SPAG16: variants seen among roughly 807,000 people sequenced by gnomAD.
SPAG16 encodes sperm-associated antigen 16 protein.
A neutral mutation model predicts 80.4 loss-of-function variants in SPAG16; 86 were observed. The ratio of observed to expected loss-of-function variants is 1.07; its 90% CI spans 0.90 to 1.28. The LOEUF (loss-of-function observed/expected upper bound fraction) is 1.28, where lower values mean the gene tolerates loss of function less well. Ranked by LOEUF, SPAG16 falls within the 50% of genes most tolerant of loss-of-function variation. The probability of loss-of-function intolerance (pLI) is 0.00; values close to 1 mark genes in which losing one functional copy is unlikely to be tolerated. For synonymous variants in SPAG16, 294 were observed against 265.9 expected, an observed-to-expected ratio of 1.11 and a Z score of -1.03; for missense variants, 870 against 765.3, an observed-to-expected ratio of 1.14 and a Z score of -1.61.
chr2:214,323,139 G>C (rs1696220819), intron 15 of SPAG16, among the ~76,000 whole-genome samples: 1 of 152,054 alleles, frequency 6.6e-6, no homozygotes, highest in Non-Finnish European at 1.5e-5. Context: ...TGTTGATATT[G>C]CGTATTTAGT....
At chr2:213,446,176 C>T (rs1255399048) in intron 9 of SPAG16, among the ~76,000 whole-genome samples, 1 of 152,194 alleles carries the variant, frequency 6.6e-6, no homozygotes, top group Non-Finnish European at 1.5e-5. Context: ...ACTCTGGCAA[C>T]TCTTAAAGCC....
chr2:214,048,825 C>T (rs2049481884), intron 13 of SPAG16, among the ~76,000 whole-genome samples: 1 of 152,020 alleles, frequency 6.6e-6, no homozygotes, highest in Non-Finnish European at 1.5e-5. Context: ...AATATATACA[C>T]CTATGTACCT....
At chr2:214,185,549 G>A (rs2057440629) in intron 15 of SPAG16, among the ~76,000 whole-genome samples, 1 of 151,952 alleles carries the variant, frequency 6.6e-6, no homozygotes, top group Non-Finnish European at 1.5e-5. Flanking sequence ...GAAAACTAGA[G>A]AAATTACAAA....
chr2:213,832,253 C>T (rs977408901), intron 10 of SPAG16, among the ~76,000 whole-genome samples: 4 of 152,078 alleles, frequency 2.6e-5, no homozygotes, highest in Non-Finnish European at 5.9e-5. Context: ...CCCCTGTCCT[C>T]CCAAAGTGCT....
intron 10 of SPAG16, among the ~76,000 whole-genome samples, chr2:213,726,381 G>C (rs531965333): frequency 6.6e-6 from 1 of 152,268 alleles, no homozygotes; most frequent in African/African-American, 2.4e-5. Context: ...TCTTGCCTTA[G>C]TTGGAAGTAC....
At chr2:213,697,126 A>C (rs2065189457) in intron 10 of SPAG16, among the ~76,000 whole-genome samples, 1 of 152,150 alleles carries the variant, frequency 6.6e-6, no homozygotes, top group African/African-American at 2.4e-5. Flanking sequence ...GGATGGGTAG[A>C]AGTTTAGGTA....
At position 213,880,917 on chromosome 2, in the gene SPAG16, G is replaced by A. The variant is rs529465360; in HGVS notation, c.1214+18289G>A. 2.0e-5 allele frequency among the ~76,000 whole-genome samples: 3 copies of A among 152,278 alleles called. No individual in the cohort carries two copies. The East Asian group carries it at 5.8e-4, about 29-fold the overall frequency. On this transcript the variant is annotated intron_variant, in intron 11 of 15. Transcript: ENST00000331683. Reference sequence around the variant, plus strand: ...GAAGTCAGATAATGTGATGCCTCAGGCTTTGCTCTTCTTTGTTTGAATGAC... The same window carrying A: ...GAAGTCAGATAATGTGATGCCTCAGACTTTGCTCTTCTTTGTTTGAATGAC...
intron 10 of SPAG16, among the ~76,000 whole-genome samples, chr2:213,694,064 G>GAAAAA (rs1353843848): frequency 5.3e-5 from 8 of 150,296 alleles, no homozygotes; most frequent in Admixed American, 2.0e-4. Context: ...AGAAAAAAGA[G>GAAAAA]AGGGAGAGAA....
intron 15 of SPAG16, among the ~76,000 whole-genome samples, chr2:214,339,883 A>C (rs1576822363): frequency 1.3e-5 from 2 of 152,276 alleles, no homozygotes; most frequent in South Asian, 4.1e-4. Context: ...AGTTAATCTA[A>C]AAGGAGATTA....
chr2:213,619,562 A>T (rs761021702), intron 10 of SPAG16, among the ~76,000 whole-genome samples: 2 of 152,144 alleles, frequency 1.3e-5, no homozygotes, highest in Non-Finnish European at 2.9e-5. Context: ...ATATAAAATG[A>T]TCAACATCAC....
chr2:214,369,276 C>T (rs889561970), intron 15 of SPAG16, among the ~76,000 whole-genome samples: 1 of 152,010 alleles, frequency 6.6e-6, no homozygotes, highest in Non-Finnish European at 1.5e-5. Context: ...AACTTAAAGA[C>T]TGTATATGAA....
chr2:213,684,300 A>G (rs1333671851), intron 10 of SPAG16, among the ~76,000 whole-genome samples: 2 of 152,226 alleles, frequency 1.3e-5, no homozygotes, highest in East Asian at 1.9e-4. Flanking sequence ...GAAGTACTAT[A>G]GGTCTTTTTT....
chr2:214,112,047 A>T (rs1457313154), intron 14 of SPAG16, among the ~76,000 whole-genome samples: 1 of 152,152 alleles, frequency 6.6e-6, no homozygotes, highest in Non-Finnish European at 1.5e-5. Flanking sequence ...GGTTTTCTAA[A>T]TATACAATCA....
At chr2:213,991,702 A>AAAT (rs2046290165) in intron 12 of SPAG16, among the ~76,000 whole-genome samples, 2 of 152,176 alleles carry the variant, frequency 1.3e-5, no homozygotes, top group South Asian at 4.2e-4. Context: ...AAGGAGAGCA[A>AAAT]TAATTAATGC....
chr2:213,987,861 TATA>T (rs2046090733), intron 12 of SPAG16, among the ~76,000 whole-genome samples: 2 of 147,718 alleles, frequency 1.4e-5, no homozygotes, highest in Admixed American at 6.8e-5. Context: ...TTAATATAAA[TATA>T]AAAATAATAG....
At chr2:214,097,326 T>G (rs1048228528) in intron 13 of SPAG16, among the ~76,000 whole-genome samples, 17 of 151,876 alleles carry the variant, frequency 1.1e-4, no homozygotes, top group African/African-American at 3.2e-4. Flanking sequence ...CTTTTTAATT[T>G]CAGTGTTTTA....
chr2:213,982,469 T>G (rs966379849), intron 12 of SPAG16, among the ~76,000 whole-genome samples: 1 of 152,088 alleles, frequency 6.6e-6, no homozygotes, highest in African/African-American at 2.4e-5. Context: ...GCTTTTTGTG[T>G]TTTATACTTA....
intron 15 of SPAG16, among the ~76,000 whole-genome samples, chr2:214,308,308 GA>G (rs1695059546): frequency 6.6e-6 from 1 of 152,240 alleles, no homozygotes; most frequent in East Asian, 1.9e-4. Context: ...ATCTATTGAA[GA>G]CAGAATACCA....
At chr2:214,381,027 C>A (rs1276406586) in intron 15 of SPAG16, among the ~76,000 whole-genome samples, 1 of 152,204 alleles carries the variant, frequency 6.6e-6, no homozygotes, top group African/African-American at 2.4e-5. Context: ...TGTATTAAAA[C>A]CCTTTTTCCT....
Sources: allele counts gnomAD v4.1 joint callset (sites outside exome capture counted in the v4.1 genomes callset), GRCh38; gene constraint gnomAD v4.1.1; transcripts MANE v1.5; gene names NCBI Gene and HGNC (gene_info 2026-07-23, HGNC 2026-07-21).